ADGRB3: variants seen among roughly 807,000 people sequenced by gnomAD.
The protein encoded by ADGRB3 is brain-specific angiogenesis inhibitor 3.
Under a neutral mutation model 193.4 loss-of-function variants are expected in ADGRB3, and 37 were observed. That is an observed-to-expected ratio of 0.19 (90% CI 0.15 to 0.25). The LOEUF (loss-of-function observed/expected upper bound fraction) is 0.25, where lower values mean the gene tolerates loss of function less well. ADGRB3 is among the 10% of genes least tolerant of loss of function. The pLI, the probability that ADGRB3 is intolerant of heterozygous loss-of-function variation, is 1.00. For synonymous variants in ADGRB3, 690 were observed against 644.2 expected, an observed-to-expected ratio of 1.07 and a Z score of -1.08; for missense variants, 1,637 against 1,852.9, an observed-to-expected ratio of 0.88 and a Z score of 2.14.
chr6:69,250,195 T>C (rs1766590424), intron 20 of ADGRB3, among the ~76,000 whole-genome samples: 1 of 152,232 alleles, frequency 6.6e-6, no homozygotes, highest in African/African-American at 2.4e-5. Context: ...TTTGAATGGA[T>C]CTTATTTGTA....
At chr6:68,924,690 C>G (rs1767132604) in intron 3 of ADGRB3, among the ~76,000 whole-genome samples, 2 of 151,940 alleles carry the variant, frequency 1.3e-5, no homozygotes, top group African/African-American at 4.8e-5. Context: ...GCCCAGCTAC[C>G]CAACGAAATC....
intron 3 of ADGRB3, among the ~76,000 whole-genome samples, chr6:68,672,159 T>A (rs901834777): frequency 1.3e-5 from 2 of 152,028 alleles, no homozygotes; most frequent in African/African-American, 4.8e-5. Context: ...TCTTTTTTTT[T>A]CTTAGTCTGG....
intron 29 of ADGRB3, 92 bp downstream of exon 29, chr6:69,361,604 G>C: frequency 7.2e-7 from 1 of 1,381,876 alleles, no homozygotes; most frequent in Non-Finnish European, 9.8e-7. Context: ...TGATTGATGT[G>C]ACACTGGTGT....
intron 3 of ADGRB3, among the ~76,000 whole-genome samples, chr6:68,843,583 A>C (rs529632188): frequency 4.1e-4 from 63 of 152,264 alleles, no homozygotes; most frequent in African/African-American, 1.4e-3. Flanking sequence ...TATTGTTTAA[A>C]TATCTATATT....
intron 3 of ADGRB3, among the ~76,000 whole-genome samples, chr6:68,772,877 ACAAACAAAAAAAAAAAAATAT>A (rs1398389280): frequency 2.3e-3 from 64 of 27,716 alleles, no homozygotes; most frequent in African/African-American, 7.0e-3. Flanking sequence ...AAACAAACAA[ACAAACAAAAAAAAAAAAATAT>A]ATATATATAT....
intron 3 of ADGRB3, among the ~76,000 whole-genome samples, chr6:68,907,071 C>T (rs1176421263): frequency 6.6e-6 from 1 of 151,834 alleles, no homozygotes; most frequent in Non-Finnish European, 1.5e-5. Context: ...AAATAATATT[C>T]TGAAGCACTC....
At chr6:68,705,722 T>C (rs1435927627) in intron 3 of ADGRB3, among the ~76,000 whole-genome samples, 1 of 152,166 alleles carries the variant, frequency 6.6e-6, no homozygotes, top group Non-Finnish European at 1.5e-5. Context: ...AGCTAGACTG[T>C]AGTTAAAGTG....
At chr6:69,174,391 T>A (rs976336099) in intron 17 of ADGRB3, among the ~76,000 whole-genome samples, 2 of 152,218 alleles carry the variant, frequency 1.3e-5, no homozygotes, top group African/African-American at 4.8e-5. Flanking sequence ...ATTGGGATAA[T>A]GGCCTTCAGC....
At chr6:69,225,377 T>C (rs1561958493) in intron 17 of ADGRB3, among the ~76,000 whole-genome samples, 1 of 152,182 alleles carries the variant, frequency 6.6e-6, no homozygotes, top group Non-Finnish European at 1.5e-5. Context: ...TTCTGTGAGA[T>C]ATTAATTACT....
At chr6:68,874,798 A>AT (rs1204010655) in intron 3 of ADGRB3, among the ~76,000 whole-genome samples, 1 of 152,152 alleles carries the variant, frequency 6.6e-6, no homozygotes, top group Non-Finnish European at 1.5e-5. Context: ...TTGCAACTAG[A>AT]TTGTTCAGTT....
chr6:68,948,670 T>G (rs2150253357), intron 6 of ADGRB3, among the ~76,000 whole-genome samples: 1 of 152,228 alleles, frequency 6.6e-6, no homozygotes, highest in African/African-American at 2.4e-5. Context: ...ATGATTTAAG[T>G]TTAGTTCTTA....
intron 17 of ADGRB3, among the ~76,000 whole-genome samples, chr6:69,218,068 C>CAAA (rs556270079): frequency 7.4e-5 from 6 of 81,050 alleles, no homozygotes; most frequent in Admixed American, 1.4e-4. Flanking sequence ...CTCCAGCTGA[C>CAAA]AAAAAAAAAA....
chr6:69,318,765 TTA>T (rs1265078829), intron 20 of ADGRB3, among the ~76,000 whole-genome samples: 1 of 151,162 alleles, frequency 6.6e-6, no homozygotes, highest in Non-Finnish European at 1.5e-5. Context: ...TTATCTGTTA[TTA>T]GTTTTATCTC....
At chr6:68,852,612 A>T (rs1227248360) in intron 3 of ADGRB3, among the ~76,000 whole-genome samples, 2 of 152,016 alleles carry the variant, frequency 1.3e-5, no homozygotes, top group Non-Finnish European at 2.9e-5. Flanking sequence ...ATTTAAAAAA[A>T]GCTCCACCAT....
intron 20 of ADGRB3, among the ~76,000 whole-genome samples, chr6:69,264,507 C>T (rs1424286918): frequency 6.6e-6 from 1 of 151,432 alleles, no homozygotes; most frequent in Admixed American, 6.6e-5. Context: ...ATGTCTTTCT[C>T]ATCTCCTTTT....
chr6:69,031,028 TCTTCTCTTCTCTC>T (rs1562128775), intron 13 of ADGRB3, among the ~76,000 whole-genome samples: 5,346 of 83,934 alleles, frequency 0.064, 1,043 homozygotes, highest in Middle Eastern at 0.19. Flanking sequence ...TTTTTTTTCC[TCTTCTCTTCTCTC>T]TTCTCTTCTC....
At chr6:68,644,437 A>G (rs997897183) in intron 3 of ADGRB3, among the ~76,000 whole-genome samples, 1 of 152,128 alleles carries the variant, frequency 6.6e-6, no homozygotes, top group Admixed American at 6.5e-5. Flanking sequence ...GCCATTTTCT[A>G]TCTCTTTATT....
intron 17 of ADGRB3, among the ~76,000 whole-genome samples, chr6:69,219,926 G>T (rs1983913): frequency 0.14 from 21,502 of 151,970 alleles, 1,582 homozygotes; most frequent in Middle Eastern, 0.16. Context: ...ATAAAGACAG[G>T]AGAAGCAGCC....
At chr6:69,088,746 T>G (rs1772624378) in intron 17 of ADGRB3, among the ~76,000 whole-genome samples, 5 of 152,222 alleles carry the variant, frequency 3.3e-5, no homozygotes, top group Admixed American at 3.3e-4. Context: ...AAAAGTTTAT[T>G]TTGCCACAGA....
Sources: allele counts gnomAD v4.1 joint callset (sites outside exome capture counted in the v4.1 genomes callset), GRCh38; gene constraint gnomAD v4.1.1; transcripts MANE v1.5; gene names NCBI Gene and HGNC (gene_info 2026-07-23, HGNC 2026-07-21).